Variants in MTHFD1L observed in about 807,000 individuals in gnomAD.
MTHFD1L encodes the protein monofunctional C1-tetrahydrofolate synthase, mitochondrial.
In MTHFD1L, 81 loss-of-function variants were observed where a neutral mutation model predicts 119.5. The ratio of observed to expected loss-of-function variants is 0.68; its 90% CI spans 0.57 to 0.82. The LOEUF (loss-of-function observed/expected upper bound fraction) is 0.82. Ranked by LOEUF, MTHFD1L falls within the 40% of genes least tolerant of loss-of-function variation. The pLI is 0.00. For missense variants in MTHFD1L, 1,125 were observed against 1,253.4 expected (o/e 0.90, Z 1.55); for synonymous variants, 430 against 475.2 (o/e 0.90, Z 1.24).
At chr6:151,048,304 T>C (rs1244753813) in intron 26 of MTHFD1L, among the ~76,000 whole-genome samples, 2 of 152,184 alleles carry the variant, frequency 1.3e-5, no homozygotes, top group African/African-American at 4.8e-5. Context: ...AGCTAAGGTT[T>C]ACTGCAGTTA....
intron 26 of MTHFD1L, among the ~76,000 whole-genome samples, chr6:151,071,270 T>C (rs931997503): frequency 6.6e-6 from 1 of 152,210 alleles, no homozygotes; most frequent in African/African-American, 2.4e-5. Flanking sequence ...CAAAATTGGA[T>C]ACCACCCTAA....
chr6:150,930,355 C>G (rs1790820119), intron 11 of MTHFD1L, among the ~76,000 whole-genome samples: 1 of 152,166 alleles, frequency 6.6e-6, no homozygotes, highest in African/African-American at 2.4e-5. Flanking sequence ...CCAGGTCAAG[C>G]GTTAGGGGGA....
intron 19 of MTHFD1L, among the ~76,000 whole-genome samples, chr6:150,970,562 C>A (rs1797876673): frequency 6.6e-6 from 1 of 152,144 alleles, no homozygotes; most frequent in African/African-American, 2.4e-5. Context: ...GGTAAGCTAA[C>A]AATTACTTGA....
At position 150,983,696 on chromosome 6, in the gene MTHFD1L, C is replaced by A. The variant is rs150315775; in HGVS notation, c.2125+11638C>A. The stretch of plus-strand genomic sequence containing the variant: ...CCTAAGTCAATCCTAGGAACTGTTA[C>A]GTTCAATTCCAAGCAGTTGTCATAA... On this transcript the variant is annotated intron_variant, in intron 20 of 27. Coordinates refer to ENST00000367321, the MANE Select transcript of MTHFD1L (RefSeq NM_015440.5). 1.6e-3 allele frequency among the ~76,000 whole-genome samples: 239 copies of A among 152,286 alleles called. 2 individuals carry two copies. Among genetic ancestry groups the A allele is most frequent in the African/African-American group, 5.2e-3 (217 of 41,562 alleles).
intron 26 of MTHFD1L, among the ~76,000 whole-genome samples, chr6:151,059,173 C>A (rs1026873610): frequency 1.3e-5 from 2 of 151,288 alleles, no homozygotes; most frequent in Non-Finnish European, 2.9e-5. Context: ...CTCCAGGCTG[C>A]TACAGTTCTA....
chr6:151,039,776 G>A lies in MTHFD1L; in HGVS notation c.2847+2659G>A, dbSNP rs1483878012. 6.6e-6 allele frequency among the ~76,000 whole-genome samples: 1 copy of A among 152,062 alleles called. No individual in the cohort carries two copies. The highest frequency in any genetic ancestry group is 6.6e-5 in the Admixed American group (1 of 15,266). ...CTAAAAATACAAAAATTTGCCGGGCGGGGTGGTGGGCACCTATAATCCCAG... is the reference window on the plus strand; with the variant it reads ...CTAAAAATACAAAAATTTGCCGGGCAGGGTGGTGGGCACCTATAATCCCAG... On this transcript the variant is annotated intron_variant, in intron 26 of 27. Transcript: ENST00000367321. This position sits in a 1 kb window ranked among gnomAD's most constrained non-coding sequence, Gnocchi z 4.4.
At chr6:150,894,055 C>T (rs953511533) in intron 7 of MTHFD1L, among the ~76,000 whole-genome samples, 6 of 152,030 alleles carry the variant, frequency 3.9e-5, no homozygotes, top group Admixed American at 3.9e-4. Flanking sequence ...ACCAGCCTGG[C>T]AACATGGCGA....
In MTHFD1L at chr6:150,965,010, A is replaced by G. The variant is rs767730985; in HGVS notation, c.1986A>G (p.Ile662Met). ...GALTVLMKDA[I>M]KPNLMQTLEG... ...TGACAGTTTTGATGAAAGATGCAAT[A>G]AAACCAAACCTGATGCAGACCCTGG... Residue 662 changes from isoleucine (I) to methionine (M), a missense_variant, in exon 19 of 28, where the codon ATA (isoleucine) becomes ATG (methionine). By Grantham distance (10) the Ile-to-Met change is conservative (BLOSUM62 1). This residue lies in a region of MTHFD1L where 1,058 missense variants were observed against 1,151.2 expected (regional missense o/e 0.92). Coordinates refer to ENST00000367321, the MANE Select transcript of MTHFD1L (RefSeq NM_015440.5). 2.5e-6 allele frequency: 4 copies of G among 1,614,104 alleles called. No homozygotes were observed. The South Asian group carries it at 4.4e-5, about 18-fold the overall frequency.
Position 151,035,805 on chromosome 6 carries a change from GT to G in MTHFD1L, c.2695-1153del, listed in dbSNP as rs576053000. Among the ~76,000 whole-genome samples the G allele has an allele frequency of 6.8e-4, 103 of 151,992 alleles. 3 individuals are homozygous for G. The South Asian group carries it at 0.02, about 29-fold the overall frequency. ...GTGAGAGTATATGGCATATTGGTTG[GT>G]TTTTTTCTTTTTAATATGCCTACTG... On this transcript the variant is annotated intron_variant, in intron 25 of 27. Coordinates refer to ENST00000367321, the MANE Select transcript of MTHFD1L (RefSeq NM_015440.5).
At chr6:151,072,179 C>CA (rs67268412) in intron 26 of MTHFD1L, among the ~76,000 whole-genome samples, 3 of 151,250 alleles carry the variant, frequency 2.0e-5, no homozygotes, top group African/African-American at 7.3e-5. Flanking sequence ...CTTTTTATAC[C>CA]AAAAAAAAAT....
At position 151,071,837 on chromosome 6, in the gene MTHFD1L, A is replaced by ATTTTT. The variant is rs753092094; in HGVS notation, c.2848-20612_2848-20608dup. 6.2e-3 allele frequency among the ~76,000 whole-genome samples: 671 copies of ATTTTT among 107,474 alleles called. 47 individuals are homozygous for ATTTTT. In the South Asian group the frequency reaches 0.075, roughly 12 times the overall value. 70.5% of individuals were successfully genotyped at this position (107,474 alleles called of 152,430 possible). ...ATATTAAGCAACATTGTAAGTACAG[A>ATTTTT]TTTTTTTTTTTTTTTTTTTTTTGAG... On this transcript the variant is annotated intron_variant, in intron 26 of 27. Transcript: ENST00000367321.
At position 151,020,814 on chromosome 6, in the gene MTHFD1L, A is replaced by G. The variant is rs1156527548; in HGVS notation, c.2586+5121A>G. On this transcript the variant is annotated intron_variant, in intron 24 of 27. Transcript: ENST00000367321. ...GACAATTATATCTTTATCGTTCACT[A>G]AGAGAATATCTCCATGTCTGCAGGG... 2.6e-5 allele frequency among the ~76,000 whole-genome samples: 4 copies of G among 152,208 alleles called. No homozygotes were observed. The South Asian group carries it at 8.3e-4, about 31-fold the overall frequency.
intron 20 of MTHFD1L, among the ~76,000 whole-genome samples, chr6:150,973,016 C>T (rs536001655): frequency 6.2e-4 from 95 of 152,304 alleles, no homozygotes; most frequent in Middle Eastern, 3.4e-3. Flanking sequence ...AAAGACAAAA[C>T]CAAAACACAG....
intron 26 of MTHFD1L, among the ~76,000 whole-genome samples, chr6:151,046,648 A>T (rs1173867947): frequency 1.3e-5 from 2 of 151,964 alleles, no homozygotes; most frequent in African/African-American, 2.4e-5. Flanking sequence ...CCATAAAAGT[A>T]TCTGGTGCTC....
chr6:150,983,541 A>C (rs1249403742), intron 20 of MTHFD1L, among the ~76,000 whole-genome samples: 2 of 152,118 alleles, frequency 1.3e-5, no homozygotes, highest in Non-Finnish European at 2.9e-5. Flanking sequence ...TGCAGCATCC[A>C]AGGCGAGTGC....
chr6:150,938,284 C>T (rs1442946617), intron 12 of MTHFD1L, among the ~76,000 whole-genome samples: 1 of 152,218 alleles, frequency 6.6e-6, no homozygotes, highest in Non-Finnish European at 1.5e-5. Flanking sequence ...TCCCAAAGTG[C>T]TGGGTTTACA....
At chr6:151,063,066 C>A (rs1052830465) in intron 26 of MTHFD1L, among the ~76,000 whole-genome samples, 1 of 152,136 alleles carries the variant, frequency 6.6e-6, no homozygotes, top group Admixed American at 6.5e-5. Context: ...AGATCCACTT[C>A]GCTCAGCACA....
intron 8 of MTHFD1L, among the ~76,000 whole-genome samples, chr6:150,907,595 C>T (rs577032690): frequency 3.9e-4 from 60 of 152,288 alleles, no homozygotes; most frequent in Non-Finnish European, 7.8e-4. Context: ...CCGGAAACCA[C>T]GATTTGCTGT....
chr6:150,904,683 C>T (rs912353440), intron 7 of MTHFD1L, among the ~76,000 whole-genome samples: 1 of 152,206 alleles, frequency 6.6e-6, no homozygotes, highest in African/African-American at 2.4e-5. Context: ...GCTGGTCATT[C>T]TTTGGTTAAA....
Sources: gnomAD v4.1 joint callset for allele counts (sites outside exome capture counted in the v4.1 genomes callset) on GRCh38, gnomAD v4.1.1 for gene constraint, gnomAD v4.1.1 regional missense constraint, Gnocchi (gnomAD v3.1) non-coding constraint, MANE v1.5 for transcripts, NCBI Gene and HGNC (gene_info 2026-07-23, HGNC 2026-07-21) for gene names.